The following ATP9B variants were observed in gnomAD, a reference collection of about 807,000 sequenced individuals.
The protein encoded by ATP9B is probable phospholipid-transporting ATPase IIB.
In ATP9B, 110 loss-of-function variants were observed where a neutral mutation model predicts 146.1. The ratio of observed to expected loss-of-function variants is 0.75; its 90% confidence interval spans 0.65 to 0.88. The LOEUF (loss-of-function observed/expected upper bound fraction) is 0.88. ATP9B is among the 40% of genes least tolerant of loss of function. The pLI, the probability that ATP9B is intolerant of heterozygous loss-of-function variation, is 0.00. For missense variants in ATP9B, 1,499 were observed against 1,496.4 expected (o/e 1.00, Z -0.03); for synonymous variants, 604 against 569.7 (o/e 1.06, Z -0.86).
At chr18:79,305,599 TA>T (rs898110756) in intron 14 of ATP9B, among the ~76,000 whole-genome samples, 103 of 149,674 alleles carry the variant, frequency 6.9e-4, no homozygotes, top group Non-Finnish European at 1.0e-3. Flanking sequence ...CTCTGCTTTT[TA>T]AAAAAAAAAA....
intron 1 of ATP9B, among the ~76,000 whole-genome samples, chr18:79,071,305 C>T (rs1404445464): frequency 2.0e-5 from 3 of 150,722 alleles, no homozygotes; most frequent in Non-Finnish European, 4.4e-5. Context: ...GTTTTTGTGT[C>T]AGTCATCAAA....
intron 19 of ATP9B, among the ~76,000 whole-genome samples, chr18:79,338,374 C>A (rs2096839002): frequency 6.6e-6 from 1 of 152,200 alleles, no homozygotes; most frequent in South Asian, 2.1e-4. Context: ...AGGACACCCC[C>A]TCTACCTTGG....
chr18:79,183,611 A>G (rs559153257), intron 8 of ATP9B, among the ~76,000 whole-genome samples: 1 of 152,206 alleles, frequency 6.6e-6, no homozygotes, highest in South Asian at 2.1e-4. Context: ...AGTTCAGTGT[A>G]TTTAGATAAT....
At chr18:79,089,269 A>T (rs1056029320) in intron 1 of ATP9B, among the ~76,000 whole-genome samples, 11 of 152,052 alleles carry the variant, frequency 7.2e-5, no homozygotes, top group African/African-American at 2.2e-4. Flanking sequence ...AAAAATTATT[A>T]AAAAAAAGTC....
chr18:79,355,128 G>A (rs2096943871), intron 25 of ATP9B, among the ~76,000 whole-genome samples: 1 of 152,240 alleles, frequency 6.6e-6, no homozygotes, highest in African/African-American at 2.4e-5. Context: ...CTTAACCCCT[G>A]CCCCTGCACA....
chr18:79,162,043 G>T (rs1400590651), intron 7 of ATP9B, among the ~76,000 whole-genome samples: 1 of 152,134 alleles, frequency 6.6e-6, no homozygotes, highest in African/African-American at 2.4e-5. Context: ...GACTACAAAT[G>T]TACTGAATTT....
intron 14 of ATP9B, among the ~76,000 whole-genome samples, chr18:79,305,328 G>A (rs2146512167): frequency 6.6e-6 from 1 of 152,228 alleles, no homozygotes; most frequent in South Asian, 2.1e-4. Flanking sequence ...TACCAGTCTG[G>A]CATAAGCTTT....
At chr18:79,251,508 A>G (rs1262095003) in intron 11 of ATP9B, among the ~76,000 whole-genome samples, 3 of 152,156 alleles carry the variant, frequency 2.0e-5, no homozygotes, top group African/African-American at 7.2e-5. Flanking sequence ...TAGTTAGCTT[A>G]TTTTCATAAC....
intron 7 of ATP9B, among the ~76,000 whole-genome samples, chr18:79,156,829 A>AGGCTGCC (rs541165187): frequency 1.6e-3 from 251 of 152,286 alleles, no homozygotes; most frequent in Non-Finnish European, 2.7e-3. Context: ...TCCAGTGGGT[A>AGGCTGCC]GGCTGCCTTC....
intron 9 of ATP9B, among the ~76,000 whole-genome samples, chr18:79,200,640 A>G (rs1027719900): frequency 8.9e-4 from 2 of 2,248 alleles, no homozygotes; most frequent in Non-Finnish European, 1.3e-3. Context: ...GGTTTCTCGG[A>G]AATTGCCAAA....
At position 79,317,146 on chromosome 18, in the gene ATP9B, T is replaced by G. The variant is rs114771570; in HGVS notation, c.1773+9912T>G. Among the ~76,000 whole-genome samples the G allele has an allele frequency of 6.5e-3, 996 of 152,310 alleles. 5 individuals carry two copies. The highest frequency in any genetic ancestry group is 0.022 in the African/African-American group (931 of 41,556). On this transcript the variant is annotated intron_variant, in intron 15 of 29. Transcript: ENST00000426216. Reference sequence around the variant, plus strand: ...CTTTTGACCAGTTTTATAGGTCAGTTGTTTTGAGGCACAAATAAATCATAT... The same window carrying G: ...CTTTTGACCAGTTTTATAGGTCAGTGGTTTTGAGGCACAAATAAATCATAT...
At chr18:79,280,429 T>G (rs2096364276) in intron 13 of ATP9B, among the ~76,000 whole-genome samples, 1 of 152,188 alleles carries the variant, frequency 6.6e-6, no homozygotes, top group South Asian at 2.1e-4. Context: ...TGAAAAAAGT[T>G]ATTTAAGAAA....
chr18:79,309,749 C>T (rs192820759), intron 15 of ATP9B, among the ~76,000 whole-genome samples: 32 of 152,226 alleles, frequency 2.1e-4, no homozygotes, highest in Non-Finnish European at 4.3e-4. Flanking sequence ...AATAGATTAT[C>T]GTGTTGGTTA....
intron 17 of ATP9B, among the ~76,000 whole-genome samples, chr18:79,331,438 T>C (rs116447287): frequency 0.024 from 3,693 of 152,310 alleles, 119 homozygotes; most frequent in African/African-American, 0.077. Flanking sequence ...CAATAAATGT[T>C]TTGCAACAGA....
intron 10 of ATP9B, among the ~76,000 whole-genome samples, chr18:79,212,410 C>T (rs955695319): frequency 6.6e-6 from 1 of 152,204 alleles, no homozygotes; most frequent in Admixed American, 6.5e-5. Context: ...ACTCTAGAGT[C>T]CACTTTGCTC....
intron 13 of ATP9B, among the ~76,000 whole-genome samples, chr18:79,297,131 CAGACGACCCAGAGAGGAGACAGAG>C: frequency 7.7e-6 from 1 of 129,478 alleles, no homozygotes; most frequent in African/African-American, 3.0e-5. Flanking sequence ...AGAGAGGAGA[CAGACGACCCAGAGAGGAGACAGAG>C]AGACGACCCA....
intron 1 of ATP9B, 95 bp from the exon 2 acceptor site, chr18:79,096,381 G>C: frequency 1.7e-6 from 2 of 1,177,102 alleles, no homozygotes; most frequent in South Asian, 3.0e-5. Context: ...CTCAGCTGAA[G>C]ACAGCCTAAT....
intron 7 of ATP9B, among the ~76,000 whole-genome samples, chr18:79,166,501 T>A (rs930007321): frequency 2.6e-4 from 39 of 152,118 alleles, no homozygotes; most frequent in Middle Eastern, 3.2e-3. Flanking sequence ...ACACATGACA[T>A]CACAGGCCTC....
At chr18:79,311,899 A>T (rs1055113118) in intron 15 of ATP9B, among the ~76,000 whole-genome samples, 6 of 152,056 alleles carry the variant, frequency 3.9e-5, no homozygotes, top group African/African-American at 1.4e-4. Context: ...TCTGTGTTTC[A>T]TTGAGCCTTT....
Sources: gnomAD v4.1 joint callset for allele counts (sites outside exome capture counted in the v4.1 genomes callset) on GRCh38, gnomAD v4.1.1 for gene constraint, MANE v1.5 for transcripts, NCBI Gene and HGNC (gene_info 2026-07-23, HGNC 2026-07-21) for gene names.